Variants in ARHGAP24 observed in about 807,000 individuals in gnomAD.
The protein encoded by ARHGAP24 is Rho GTPase activating protein 24.
ARHGAP24 carries 50 observed loss-of-function variants against 76.4 expected under a neutral mutation model. That is an observed-to-expected ratio of 0.65 (90% CI 0.52 to 0.83). The LOEUF is 0.83. Among genes scored for constraint, ARHGAP24 ranks in the 40% least tolerant of loss-of-function variants. The pLI, the probability that ARHGAP24 is intolerant of heterozygous loss-of-function variation, is 0.00. For synonymous variants in ARHGAP24, 345 were observed against 323.3 expected, an observed-to-expected ratio of 1.07 and a Z score of -0.72; for missense variants, 930 against 914.2, an observed-to-expected ratio of 1.02 and a Z score of -0.22.
chr4:85,733,891 T>C (rs746295713), intron 3 of ARHGAP24, among the ~76,000 whole-genome samples: 1 of 152,242 alleles, frequency 6.6e-6, no homozygotes, highest in South Asian at 2.1e-4. Context: ...TTGAAGTTCC[T>C]TGTATGTATT....
intron 1 of ARHGAP24, among the ~76,000 whole-genome samples, chr4:85,557,665 A>G (rs1415138886): frequency 2.4e-5 from 1 of 42,130 alleles, no homozygotes; most frequent in African/African-American, 4.1e-5. Context: ...TCAACCCACC[A>G]CTCTTTATTC....
At chr4:85,752,025 A>C (rs1319939085) in intron 3 of ARHGAP24, among the ~76,000 whole-genome samples, 2 of 152,222 alleles carry the variant, frequency 1.3e-5, no homozygotes, top group Admixed American at 1.3e-4. Flanking sequence ...CTGAATATTC[A>C]AACTATGGAG....
intron 6 of ARHGAP24, among the ~76,000 whole-genome samples, chr4:85,973,895 T>G (rs1739156504): frequency 1.4e-5 from 2 of 137,940 alleles, no homozygotes; most frequent in Admixed American, 7.8e-5. Flanking sequence ...CAAGCTGGAG[T>G]GCAGTGGCGG....
At chr4:85,869,197 C>T (rs746839346) in intron 3 of ARHGAP24, among the ~76,000 whole-genome samples, 5 of 152,058 alleles carry the variant, frequency 3.3e-5, no homozygotes, top group Non-Finnish European at 4.4e-5. Context: ...CTATATCTGA[C>T]GTAACAAGAA....
intron 1 of ARHGAP24, among the ~76,000 whole-genome samples, chr4:85,507,658 A>G (rs1034871076): frequency 7.9e-5 from 12 of 152,162 alleles, no homozygotes; most frequent in African/African-American, 2.9e-4. Context: ...AAATAGTGAA[A>G]ATGACTCCTC....
At chr4:85,724,489 GTGTATATATATA>G (rs1159621810) in intron 3 of ARHGAP24, among the ~76,000 whole-genome samples, 5,038 of 131,366 alleles carry the variant, frequency 0.038, 354 homozygotes, top group African/African-American at 0.13. Flanking sequence ...TTTTCCATGT[GTGTATATATATA>G]TATATATATA....
At chr4:85,488,390 G>A (rs1335575079) in intron 1 of ARHGAP24, among the ~76,000 whole-genome samples, 2 of 152,108 alleles carry the variant, frequency 1.3e-5, no homozygotes, top group Non-Finnish European at 1.5e-5. Flanking sequence ...AATCTTTCAT[G>A]TTTACTATCT....
intron 2 of ARHGAP24, among the ~76,000 whole-genome samples, chr4:85,619,265 A>G (rs535155440): frequency 6.6e-6 from 1 of 152,124 alleles, no homozygotes; most frequent in Non-Finnish European, 1.5e-5. Flanking sequence ...GTGAAATACC[A>G]ATTGACTATA....
At chr4:85,604,153 A>AT (rs1402055067) in intron 2 of ARHGAP24, 1 of 152,192 alleles carries the variant, frequency 6.6e-6, no homozygotes, top group Non-Finnish European at 1.5e-5. Context: ...ACAGGCTTAG[A>AT]TAACTCATTA....
In ARHGAP24 at chr4:85,938,079, C is replaced by T. The variant is rs566988961; in HGVS notation, c.392-3987C>T. On this transcript the variant is annotated intron_variant, in intron 4 of 9. Transcript: ENST00000395184. ...GGGGGACCCTTACAAACCCTGAAGGCTGTGGTGGTTTCTCTCTTGTGTGCG... is the reference window on the plus strand; with the variant it reads ...GGGGGACCCTTACAAACCCTGAAGGTTGTGGTGGTTTCTCTCTTGTGTGCG... Among the ~76,000 whole-genome samples the T allele has an allele frequency of 9.5e-4, 144 of 152,320 alleles. No individual in the cohort carries two copies. In the South Asian group the frequency reaches 0.012, roughly 12 times the overall value.
chr4:85,758,344 A>C (rs1471993138), intron 3 of ARHGAP24, among the ~76,000 whole-genome samples: 1 of 152,102 alleles, frequency 6.6e-6, no homozygotes, highest in Admixed American at 6.5e-5. Context: ...GGATGTTAGG[A>C]GAGAAGGCCT....
intron 3 of ARHGAP24, among the ~76,000 whole-genome samples, chr4:85,749,971 A>G (rs900764054): frequency 6.6e-6 from 1 of 152,128 alleles, no homozygotes; most frequent in Admixed American, 6.5e-5. Flanking sequence ...CAGCGGCAGC[A>G]GCAGCAACCC....
At chr4:85,689,887 C>T (rs765398335) in intron 2 of ARHGAP24, among the ~76,000 whole-genome samples, 4 of 152,160 alleles carry the variant, frequency 2.6e-5, no homozygotes, top group Non-Finnish European at 4.4e-5. Flanking sequence ...CTGTGTAGGA[C>T]TTACAGTACT....
intron 2 of ARHGAP24, among the ~76,000 whole-genome samples, chr4:85,601,639 A>G (rs990996430): frequency 6.6e-5 from 10 of 152,170 alleles, no homozygotes; most frequent in African/African-American, 2.4e-4. Context: ...CACAGTATGC[A>G]ACTAATGATG....
intron 4 of ARHGAP24, among the ~76,000 whole-genome samples, chr4:85,938,847 T>C (rs1392470144): frequency 1.3e-5 from 2 of 151,712 alleles, no homozygotes; most frequent in African/African-American, 2.4e-5. Context: ...TTTTCTGACC[T>C]CCCCCAATTC....
intron 2 of ARHGAP24, among the ~76,000 whole-genome samples, chr4:85,593,316 C>T (rs1418764647): frequency 7.9e-5 from 12 of 152,024 alleles, no homozygotes; most frequent in Non-Finnish European, 1.5e-4. Flanking sequence ...AGATTTTTCT[C>T]TATTGAGTTA....
chr4:85,658,420 T>C (rs1302231432), intron 2 of ARHGAP24, among the ~76,000 whole-genome samples: 1 of 152,208 alleles, frequency 6.6e-6, no homozygotes, highest in African/African-American at 2.4e-5. Flanking sequence ...AAAAAATTGC[T>C]CTAGTAAAAA....
intron 1 of ARHGAP24, among the ~76,000 whole-genome samples, chr4:85,530,844 T>C (rs1201996518): frequency 1.3e-5 from 2 of 152,054 alleles, no homozygotes; most frequent in African/African-American, 4.8e-5. Context: ...GCACTTAACA[T>C]ATTTTGTTGA....
chr4:85,987,534 A>G (rs1194201733), intron 8 of ARHGAP24, among the ~76,000 whole-genome samples: 1 of 152,090 alleles, frequency 6.6e-6, no homozygotes, highest in East Asian at 1.9e-4. Flanking sequence ...CTGATAGCAG[A>G]CAAGGATATT....
Sources: allele counts gnomAD v4.1 joint callset (sites outside exome capture counted in the v4.1 genomes callset), GRCh38; gene constraint gnomAD v4.1.1; transcripts MANE v1.5; gene names NCBI Gene and HGNC (gene_info 2026-07-23, HGNC 2026-07-21).